The following NPAS3 variants were observed in gnomAD, a reference collection of about 807,000 sequenced individuals.
NPAS3 encodes neuronal PAS domain-containing protein 3.
NPAS3 carries 14 observed loss-of-function variants against 73.1 expected under a neutral mutation model. That is an observed-to-expected ratio of 0.19 (90% CI 0.13 to 0.30). The LOEUF (loss-of-function observed/expected upper bound fraction) is 0.30. Among genes scored for constraint, NPAS3 ranks in the 10% least tolerant of loss-of-function variants. The pLI is 1.00. For synonymous variants in NPAS3, 620 were observed against 541.5 expected (o/e 1.14, Z -2.01); for missense variants, 1,096 against 1,250.0 (o/e 0.88, Z 1.86).
At chr14:33,012,085 C>CTTTA in intron 1 of NPAS3, among the ~76,000 whole-genome samples, 1 of 151,640 alleles carries the variant, frequency 6.6e-6, no homozygotes, top group South Asian at 2.1e-4. Context: ...GCTGTGCCTG[C>CTTTA]CTTCCCTTCC....
At chr14:33,545,567 T>C (rs1255700407) in intron 4 of NPAS3, among the ~76,000 whole-genome samples, 1 of 152,220 alleles carries the variant, frequency 6.6e-6, no homozygotes, top group African/African-American at 2.4e-5. Context: ...CGTGTGTCCT[T>C]TTGCATTACA....
chr14:33,534,689 A>G (rs186572445), intron 4 of NPAS3, among the ~76,000 whole-genome samples: 9 of 152,258 alleles, frequency 5.9e-5, no homozygotes, highest in Non-Finnish European at 1.0e-4. Flanking sequence ...CATTTTTTCT[A>G]TGAACCTCGT....
At chr14:33,177,415 A>T (rs2045633808) in intron 2 of NPAS3, among the ~76,000 whole-genome samples, 1 of 152,116 alleles carries the variant, frequency 6.6e-6, no homozygotes, top group Non-Finnish European at 1.5e-5. Context: ...TCAATATTAT[A>T]GTCTTATCTA....
At chr14:33,485,771 G>C (rs929857823) in intron 4 of NPAS3, among the ~76,000 whole-genome samples, 1 of 151,946 alleles carries the variant, frequency 6.6e-6, no homozygotes, top group African/African-American at 2.4e-5. Flanking sequence ...TTTTTCACAA[G>C]ATCTCCTTGG....
chr14:33,467,425 A>G (rs1241079380), intron 4 of NPAS3, among the ~76,000 whole-genome samples: 3 of 152,172 alleles, frequency 2.0e-5, no homozygotes, highest in Non-Finnish European at 2.9e-5. Context: ...GCTGATAGTC[A>G]TTTACAGGTT....
rs1344752938 is a variant in NPAS3 at position 33,092,724 on chromosome 14, C to T, written c.140+36730C>T. The stretch of plus-strand genomic sequence containing the variant: ...CACTACCTGACTTCAAACTATGCTA[C>T]AAGGCTGCAGTAACCAAAACAGCAT... On this transcript the variant is annotated intron_variant, in intron 2 of 11. Transcript: ENST00000356141. Among the ~76,000 whole-genome samples the T allele has an allele frequency of 2.0e-5, 3 of 152,274 alleles. No individual in the cohort carries two copies. In the East Asian group the frequency reaches 5.8e-4, roughly 29 times the overall value.
chr14:33,283,375 C>T (rs1050751796), intron 3 of NPAS3, among the ~76,000 whole-genome samples: 6 of 152,170 alleles, frequency 3.9e-5, no homozygotes, highest in African/African-American at 9.7e-5. Context: ...ATGATATAGG[C>T]GTTATTAACA....
intron 4 of NPAS3, among the ~76,000 whole-genome samples, chr14:33,475,029 C>T (rs901271301): frequency 6.6e-6 from 1 of 152,066 alleles, no homozygotes; most frequent in Non-Finnish European, 1.5e-5. Flanking sequence ...GGGAAATGAA[C>T]ACAGATTTGA....
intron 3 of NPAS3, among the ~76,000 whole-genome samples, chr14:33,325,128 T>G (rs2043635576): frequency 6.7e-6 from 1 of 148,702 alleles, no homozygotes; most frequent in Non-Finnish European, 1.5e-5. Context: ...GAACACCAGA[T>G]CAGCTTGGGA....
chr14:33,668,683 T>C (rs1374511118), intron 5 of NPAS3, among the ~76,000 whole-genome samples: 1 of 152,098 alleles, frequency 6.6e-6, no homozygotes, highest in East Asian at 1.9e-4. Flanking sequence ...CCAGGCACAG[T>C]GGCTCAATAC....
intron 9 of NPAS3, among the ~76,000 whole-genome samples, chr14:33,791,629 G>A (rs559509818): frequency 1.2e-4 from 18 of 152,210 alleles, no homozygotes; most frequent in Non-Finnish European, 2.2e-4. Context: ...ATTTTATTAA[G>A]AGAAAGTATT....
intron 3 of NPAS3, among the ~76,000 whole-genome samples, chr14:33,261,552 TCA>T (rs2048978714): frequency 2.6e-5 from 4 of 152,188 alleles, no homozygotes. Context: ...TGTACACTAT[TCA>T]CAGTTTTAAT....
At chr14:33,567,756 C>T (rs1225106263) in intron 5 of NPAS3, among the ~76,000 whole-genome samples, 1 of 152,222 alleles carries the variant, frequency 6.6e-6, no homozygotes, top group Non-Finnish European at 1.5e-5. Context: ...ATTTCTTTCT[C>T]TCCTCATGCT....
At chr14:33,434,665 C>A (rs1364323593) in intron 4 of NPAS3, among the ~76,000 whole-genome samples, 2 of 152,102 alleles carry the variant, frequency 1.3e-5, no homozygotes, top group Admixed American at 1.3e-4. Flanking sequence ...TTGATTCTTT[C>A]TTTTGAACAC....
intron 5 of NPAS3, among the ~76,000 whole-genome samples, chr14:33,589,529 C>G (rs1374243634): frequency 1.3e-5 from 2 of 152,082 alleles, no homozygotes; most frequent in South Asian, 4.1e-4. Context: ...GATGAGTAGC[C>G]CTGATTACAT....
At chr14:33,755,505 C>A (rs2140792380) in intron 7 of NPAS3, among the ~76,000 whole-genome samples, 1 of 152,174 alleles carries the variant, frequency 6.6e-6, no homozygotes, top group South Asian at 2.1e-4. Context: ...GCCGTGGGGT[C>A]TGTGAATTGC....
At chr14:33,549,839 C>T (rs1305576668) in intron 4 of NPAS3, among the ~76,000 whole-genome samples, 1 of 152,164 alleles carries the variant, frequency 6.6e-6, no homozygotes, top group East Asian at 1.9e-4. Flanking sequence ...GGTGTAATCA[C>T]CTTTTGATCT....
intron 5 of NPAS3, among the ~76,000 whole-genome samples, chr14:33,606,152 A>G (rs567440696): frequency 1.6e-4 from 25 of 151,744 alleles, no homozygotes; most frequent in Admixed American, 1.6e-3. Context: ...TACATGTGCC[A>G]TGCTGGTGTG....
chr14:33,734,731 T>A (rs920973735), intron 6 of NPAS3, among the ~76,000 whole-genome samples: 6 of 152,212 alleles, frequency 3.9e-5, no homozygotes, highest in Non-Finnish European at 7.3e-5. Flanking sequence ...AGGACATGAC[T>A]CTTCCACCTT....
Sources: gnomAD v4.1 joint callset for allele counts (sites outside exome capture counted in the v4.1 genomes callset) on GRCh38, gnomAD v4.1.1 for gene constraint, MANE v1.5 for transcripts, NCBI Gene and HGNC (gene_info 2026-07-23, HGNC 2026-07-21) for gene names.